Variants in SLC36A2 observed in about 807,000 individuals in gnomAD.
SLC36A2 encodes solute carrier family 36 member 2, also known as proton-coupled amino acid transporter 2.
SLC36A2 carries 39 observed loss-of-function variants against 42.7 expected under a neutral mutation model. The observed-to-expected ratio is 0.91, with a 90% CI of 0.71 to 1.19. The LOEUF is 1.19. Ranked by LOEUF, SLC36A2 falls within the 50% of genes most tolerant of loss-of-function variation. SLC36A2 has a pLI of 0.00. For synonymous variants in SLC36A2, 237 were observed against 240.8 expected, an observed-to-expected ratio of 0.98 and a Z score of 0.15; for missense variants, 590 against 613.7, an observed-to-expected ratio of 0.96 and a Z score of 0.41.
At position 151,324,423 on chromosome 5, in the gene SLC36A2, C is replaced by T. The variant is rs549247524; in HGVS notation, c.1010+863G>A. The stretch of plus-strand genomic sequence containing the variant: ...TCTTGGCTCACTGAAACCTCTGCCT[C>T]CCAGGTTTAAGTGATTCTCCTGCCT... On this transcript the variant is annotated intron_variant, in intron 8 of 9. Coordinates refer to ENST00000335244, the MANE Select transcript of SLC36A2 (RefSeq NM_181776.3). 2.9e-3 allele frequency among the ~76,000 whole-genome samples: 446 copies of T among 152,164 alleles called. 4 individuals are homozygous for T. The highest frequency in any genetic ancestry group is 5.0e-3 in the Non-Finnish European group (339 of 68,008).
At chr5:151,343,963 A>C (rs1482976822) in intron 2 of SLC36A2, among the ~76,000 whole-genome samples, 1 of 152,166 alleles carries the variant, frequency 6.6e-6, no homozygotes, top group African/African-American at 2.4e-5. Flanking sequence ...GGAGGAAACT[A>C]AGGCCCATAG....
chr5:151,346,934 A>G (rs531493494), intron 1 of SLC36A2, among the ~76,000 whole-genome samples: 1 of 152,322 alleles, frequency 6.6e-6, no homozygotes, highest in East Asian at 1.9e-4. Flanking sequence ...TCCTCCAAGT[A>G]GTTAGGGATT....
intron 6 of SLC36A2, among the ~76,000 whole-genome samples, chr5:151,334,468 A>C (rs991373206): frequency 6.7e-6 from 1 of 150,336 alleles, no homozygotes. Flanking sequence ...AGGCGGGGGG[A>C]TCACTTGAGG....
chr5:151,338,543 GCA>G (rs1412611231), intron 5 of SLC36A2: 1 of 156,138 alleles, frequency 6.4e-6, no homozygotes, highest in African/African-American at 2.4e-5. Flanking sequence ...AGACATGGTA[GCA>G]CACACTTGTG....
At chr5:151,346,702 C>T (rs1166110676) in intron 1 of SLC36A2, among the ~76,000 whole-genome samples, 3 of 152,152 alleles carry the variant, frequency 2.0e-5, no homozygotes, top group Non-Finnish European at 4.4e-5. Context: ...TGTAGCTTGG[C>T]TTCCCTCTTT....
chr5:151,326,655 G>GTC (rs1323995423), intron 7 of SLC36A2, among the ~76,000 whole-genome samples: 1 of 152,018 alleles, frequency 6.6e-6, no homozygotes, highest in Non-Finnish European at 1.5e-5. Context: ...CAATCTTCCT[G>GTC]TCTCTCATCC....
chr5:151,331,067 G>A (rs1008359165), intron 7 of SLC36A2, among the ~76,000 whole-genome samples: 1 of 152,122 alleles, frequency 6.6e-6, no homozygotes, highest in African/African-American at 2.4e-5. Context: ...TTTGACAAGA[G>A]TGTCAAAACT....
At chr5:151,343,040 G>A (rs1191334770) in intron 3 of SLC36A2, 57 bp from the exon 4 acceptor site, 29 of 1,401,476 alleles carry the variant, frequency 2.1e-5, no homozygotes, top group Non-Finnish European at 2.3e-5. Flanking sequence ...AAACTCACAT[G>A]GTCAAAAGTC....
intron 7 of SLC36A2, among the ~76,000 whole-genome samples, chr5:151,327,688 T>C (rs752440419): frequency 1.3e-5 from 2 of 152,178 alleles, no homozygotes; most frequent in African/African-American, 2.4e-5. Context: ...GCTGCATATA[T>C]TCTCAAGGCC....
chr5:151,321,348 T>C (rs1439279586), intron 9 of SLC36A2, among the ~76,000 whole-genome samples: 2 of 149,190 alleles, frequency 1.3e-5, no homozygotes, highest in African/African-American at 2.5e-5. Context: ...TTTCTTTCTT[T>C]TTTTTTTTTT....
At chr5:151,325,135 A>G (rs1755814514) in intron 8 of SLC36A2, 151 bp downstream of exon 8, 4 of 897,922 alleles carry the variant, frequency 4.5e-6, no homozygotes, top group African/African-American at 1.6e-5. Context: ...CAGGACAGAG[A>G]ATCTGGAGAC....
chr5:151,340,214 AGGGAG>A (rs1561660990), intron 4 of SLC36A2, among the ~76,000 whole-genome samples: 3 of 123,496 alleles, frequency 2.4e-5, no homozygotes, highest in African/African-American at 1.1e-4. Context: ...GAGGAGGAGG[AGGGAG>A]AGGAGGAGGA....
chr5:151,322,323 C>T, intron 8 of SLC36A2, 108 bp from the exon 9 acceptor site: 1 of 1,354,444 alleles, frequency 7.4e-7, no homozygotes, highest in South Asian at 1.3e-5. Flanking sequence ...CTTTTGTTTC[C>T]CTTTCTGAAA....
At chr5:151,323,989 C>G (rs1479995425) in intron 8 of SLC36A2, among the ~76,000 whole-genome samples, 1 of 152,220 alleles carries the variant, frequency 6.6e-6, no homozygotes, top group Non-Finnish European at 1.5e-5. Context: ...ATGACATGAC[C>G]TGGTGTGGGA....
chr5:151,340,720 A>C (rs10072612), intron 4 of SLC36A2, among the ~76,000 whole-genome samples: 12,211 of 152,246 alleles, frequency 0.08, 816 homozygotes, highest in African/African-American at 0.19. Context: ...TACAACAAGA[A>C]GGTCTTTTAG....
chr5:151,343,053 G>A, intron 3 of SLC36A2, 70 bp from the exon 4 acceptor site: 5 of 1,268,972 alleles, frequency 3.9e-6, no homozygotes, highest in Non-Finnish European at 5.7e-6. Context: ...CAAAAGTCAG[G>A]AGACACAGAA....
chr5:151,337,423 C>T (rs1364731386), intron 5 of SLC36A2, among the ~76,000 whole-genome samples: 2 of 152,158 alleles, frequency 1.3e-5, no homozygotes, highest in Admixed American at 1.3e-4. Context: ...TGGCCTGACA[C>T]CAAAATATCA....
chr5:151,316,775 A>AT lies in SLC36A2; in HGVS notation c.*41_*42insA, dbSNP rs761231380. 1.2e-5 allele frequency: 19 copies of AT among 1,584,664 alleles called. No individual in the cohort carries two copies. The African/African-American group carries it at 1.9e-4, about 16-fold the overall frequency. ...AAAAAAAAAAAAAAGAGATCCATAT[A>AT]ATTAAAAGTCGGGTGCTGGTAGGCA... On this transcript the variant is annotated 3_prime_UTR_variant, in exon 10 of 10. Coordinates refer to ENST00000335244, the MANE Select transcript of SLC36A2 (RefSeq NM_181776.3).
chr5:151,338,693 G>A (rs937706434), intron 5 of SLC36A2: 13 of 182,620 alleles, frequency 7.1e-5, no homozygotes, highest in African/African-American at 1.5e-4. Context: ...AAAAAAAAAA[G>A]AAAGAAAGAT....
Sources: allele counts gnomAD v4.1 joint callset (sites outside exome capture counted in the v4.1 genomes callset), GRCh38; gene constraint gnomAD v4.1.1; transcripts MANE v1.5; gene names NCBI Gene and HGNC (gene_info 2026-07-23, HGNC 2026-07-21).